Variants in CPZ observed in about 807,000 individuals in gnomAD.
CPZ encodes carboxypeptidase Z.
Under a neutral mutation model 61.8 loss-of-function variants are expected in CPZ, and 103 were observed. That is an observed-to-expected ratio of 1.67 (90% CI 1.42 to 1.96). The LOEUF (loss-of-function observed/expected upper bound fraction) is 1.96. Among genes scored for constraint, CPZ ranks in the 30% most tolerant of loss-of-function variants. CPZ has a pLI of 0.00. For synonymous variants in CPZ, 551 were observed against 373.7 expected (o/e 1.47, Z -5.47); for missense variants, 1,461 against 914.9 (o/e 1.60, Z -7.70).
chr4:8,593,679 G>T (rs1044640892), intron 1 of CPZ, among the ~76,000 whole-genome samples: 6 of 152,174 alleles, frequency 3.9e-5, no homozygotes, highest in Non-Finnish European at 7.3e-5. Flanking sequence ...GTTCAAGGGT[G>T]CAGGGTGTCA....
At chr4:8,606,210 T>C (rs773031695) in intron 5 of CPZ, 25 bp downstream of exon 5, 2 of 1,601,194 alleles carry the variant, frequency 1.2e-6, no homozygotes, top group African/African-American at 1.3e-5. Context: ...GCCTGGATCC[T>C]GTGGGCCACC....
chr4:8,609,347 TCTCA>T (rs1715444186), intron 7 of CPZ, among the ~76,000 whole-genome samples: 1 of 152,116 alleles, frequency 6.6e-6, no homozygotes, highest in Non-Finnish European at 1.5e-5. Flanking sequence ...TCACTCATTC[TCTCA>T]TTCATTCACT....
chr4:8,616,181 C>T (rs374301659), intron 9 of CPZ, among the ~76,000 whole-genome samples: 164 of 152,304 alleles, frequency 1.1e-3, no homozygotes, highest in African/African-American at 3.5e-3. Context: ...GAGACCTGGG[C>T]GCGGGCTCCT....
At chr4:8,594,190 C>T (rs948787615) in intron 1 of CPZ, among the ~76,000 whole-genome samples, 1 of 152,216 alleles carries the variant, frequency 6.6e-6, no homozygotes, top group Non-Finnish European at 1.5e-5. Flanking sequence ...TGGGAGAAAT[C>T]ACTCATCCCC....
chr4:8,614,590 C>T, intron 9 of CPZ, 92 bp downstream of exon 9: 1 of 1,338,856 alleles, frequency 7.5e-7, no homozygotes, highest in Non-Finnish European at 1.0e-6. Flanking sequence ...CGTAGCCTCA[C>T]TGCCCCATAC....
intron 8 of CPZ, 63 bp downstream of exon 8, chr4:8,612,225 G>T: frequency 5.9e-6 from 2 of 341,800 alleles, no homozygotes; most frequent in Non-Finnish European, 9.6e-6. Flanking sequence ...GGTGGGGCAG[G>T]GGCAAGGCGT....
At position 8,604,208 on chromosome 4, in the gene CPZ, C is replaced by T. The variant is rs374589722; in HGVS notation, c.709+20C>T. On this transcript the variant is annotated intron_variant, in intron 4 of 10. Coordinates refer to ENST00000360986, the MANE Select transcript of CPZ (RefSeq NM_001014447.3). ...AGCTGAGTGAGTGCCCTTGGGAGAG[C>T]CTGGCCTGGCCCCGTTTCGGGAAAG... The T allele has an allele frequency of 2.6e-6, 4 of 1,509,530 alleles. No individual in the cohort carries two copies. The highest frequency in any genetic ancestry group is 2.5e-5 in the South Asian group (2 of 79,074). 93.5% of individuals were successfully genotyped at this position (1,509,530 alleles called of 1,614,324 possible). A position where few individuals can be genotyped will look rare whatever the true frequency, so the allele number is the denominator to read the frequency against.
chr4:8,604,027 T>C lies in CPZ; in HGVS notation c.548T>C (p.Ile183Thr), dbSNP rs1283340078. ...CCCTCAGGGCTGCCGCCCACCTTCA[T>C]CCGCTTCAGCCACCACTCCTACGCC... The part of the protein sequence containing the change: ...ALPSGLPPTF[I>T]RFSHHSYAQM... The change falls in exon 4 of 11, where the codon ATC (isoleucine) becomes ACC (threonine). Residue 183 changes from isoleucine to threonine, a missense_variant. Coordinates refer to ENST00000360986, the MANE Select transcript of CPZ (RefSeq NM_001014447.3). The C allele has an allele frequency of 6.2e-7, 1 of 1,612,166 alleles. No homozygotes were observed. The highest frequency in any genetic ancestry group is 8.5e-7 in the Non-Finnish European group (1 of 1,179,838).
intron 9 of CPZ, among the ~76,000 whole-genome samples, chr4:8,614,956 C>T (rs1716038740): frequency 6.6e-6 from 1 of 152,078 alleles, no homozygotes; most frequent in Non-Finnish European, 1.5e-5. Flanking sequence ...CATCAAAACC[C>T]TCGAGAGCCG....
chr4:8,594,575 G>T (rs1334827185), intron 1 of CPZ, among the ~76,000 whole-genome samples: 1 of 152,134 alleles, frequency 6.6e-6, no homozygotes, highest in Non-Finnish European at 1.5e-5. Context: ...AGGAGGGGGA[G>T]GACTGACGGG....
intron 7 of CPZ, among the ~76,000 whole-genome samples, chr4:8,609,482 T>C (rs1382508911): frequency 7.3e-6 from 1 of 136,446 alleles, no homozygotes; most frequent in Non-Finnish European, 1.5e-5. Context: ...AGGGGTGAGG[T>C]GTCTGGTTCT....
intron 7 of CPZ, among the ~76,000 whole-genome samples, chr4:8,609,733 C>A (rs965444353): frequency 6.6e-6 from 1 of 152,244 alleles, no homozygotes; most frequent in Non-Finnish European, 1.5e-5. Flanking sequence ...GGGATGTTCA[C>A]CCCAGTGAGT....
chr4:8,600,813 C>A (rs1482279493), intron 2 of CPZ: 2 of 608,000 alleles, frequency 3.3e-6, no homozygotes, highest in Non-Finnish European at 4.6e-6. Context: ...AATGCAGCAT[C>A]AGCTGGCTGC....
rs192679754 is a variant in CPZ, at chr4:8,613,016, G to A, written c.1363+854G>A. Among the ~76,000 whole-genome samples, 10 of 152,284 alleles carry A rather than the reference G, an allele frequency of 6.6e-5. 1 individual carries two copies. Among genetic ancestry groups the A allele is most frequent in the East Asian group, 1.9e-4 (1 of 5,170 alleles). Reference sequence around the variant, plus strand: ...ACCTGTGATCTTTCCCTGGTGCGGCGCAGCCTCTCTCCCTTCCAGAACCCA... The same window carrying A: ...ACCTGTGATCTTTCCCTGGTGCGGCACAGCCTCTCTCCCTTCCAGAACCCA... On this transcript the variant is annotated intron_variant, in intron 8 of 10. Transcript: ENST00000360986.
At chr4:8,605,594 T>TCATTGA (rs1365674019) in intron 4 of CPZ, among the ~76,000 whole-genome samples, 1 of 104,644 alleles carries the variant, frequency 9.6e-6, no homozygotes, top group African/African-American at 6.0e-5. Flanking sequence ...CAGCCAGCCA[T>TCATTGA]TATTCATCCA....
Position 8,606,639 on chromosome 4 carries a change from C to A in CPZ, c.907-98C>A, listed in dbSNP as rs992756261. 25 of 1,481,758 alleles carry A rather than the reference C, an allele frequency of 1.7e-5. No homozygotes were observed. In the African/African-American group the frequency reaches 2.6e-4, roughly 16 times the overall value. The allele number at this position is 1,481,758 out of a possible 1,614,324, so 91.8% of individuals were successfully genotyped here. On this transcript the variant is annotated intron_variant, in intron 5 of 10. Coordinates refer to ENST00000360986, the MANE Select transcript of CPZ (RefSeq NM_001014447.3). ...CACATAAAGCCGGGGGAAACCGCAGCCCCTGGCCTTGACCCTCAGCCCAGC... is the reference window on the plus strand; with the variant it reads ...CACATAAAGCCGGGGGAAACCGCAGACCCTGGCCTTGACCCTCAGCCCAGC...
At position 8,618,484 on chromosome 4, in the gene CPZ, A is replaced by C; in HGVS notation, c.1559A>C (p.Asn520Thr). The change falls in exon 10 of 11, where the codon AAC becomes ACC. Residue 520 changes from asparagine to threonine, a missense_variant. Asn to Thr is a moderately conservative substitution (Grantham distance 65, BLOSUM62 0). Transcript: ENST00000360986. Reference protein sequence around the residue: ...VTDKFGKPVKNARISVKGIRH... With the variant: ...VTDKFGKPVKTARISVKGIRH... ...GATAAATTCGGCAAGCCAGTCAAAAACGCCCGGATCTCAGTCAAAGGCATT... is the reference window on the plus strand; with the variant it reads ...GATAAATTCGGCAAGCCAGTCAAAACCGCCCGGATCTCAGTCAAAGGCATT... The C allele has an allele frequency of 1.2e-6, 2 of 1,614,106 alleles. No homozygotes were observed. Among genetic ancestry groups the C allele is most frequent in the East Asian group, 2.2e-5 (1 of 44,866 alleles).
Position 8,601,088 on chromosome 4 carries a change from C to T in CPZ, c.122-35C>T, listed in dbSNP as rs577538989. The T allele has an allele frequency of 1.4e-4, 216 of 1,538,556 alleles. 1 individual carries two copies. In the South Asian group the frequency reaches 2.4e-3, roughly 17 times the overall value. ...TGATGCGTGACGGTCAGGGCCACTG[C>T]AGGAGGGACTGACCTGCCGACCCTG... is the stretch of plus-strand genomic sequence containing the variant. On this transcript the variant is annotated intron_variant, in intron 2 of 10. Coordinates refer to ENST00000360986, the MANE Select transcript of CPZ (RefSeq NM_001014447.3).
rs758937308 is a variant in CPZ, at chr4:8,606,893, G to C, written c.1063G>C (p.Gly355Arg). 1.2e-6 allele frequency: 2 copies of C among 1,608,692 alleles called. No homozygotes were observed. The highest frequency in any genetic ancestry group is 1.7e-6 in the Non-Finnish European group (2 of 1,177,898). The change falls in exon 6 of 11, where the codon GGT (glycine) becomes CGT (arginine). Residue 355 changes from glycine (G) to arginine (R), a missense_variant. Physicochemically the swap from Gly to Arg is moderately radical, Grantham distance 125. Coordinates refer to ENST00000360986, the MANE Select transcript of CPZ (RefSeq NM_001014447.3). The stretch of plus-strand genomic sequence containing the variant: ...CCCCATCCCCCAGCACTACTGGTGG[G>C]GTAAGGTAGGAGCCGCCGCTGCCCA... Reference protein sequence around the residue: ...HIPIPQHYWWGKVAPETKAIM... With the variant: ...HIPIPQHYWWRKVAPETKAIM...
Sources: allele counts gnomAD v4.1 joint callset (sites outside exome capture counted in the v4.1 genomes callset), GRCh38; gene constraint gnomAD v4.1.1; transcripts MANE v1.5; gene names NCBI Gene and HGNC (gene_info 2026-07-23, HGNC 2026-07-21).